Variants in ATIC observed in about 807,000 individuals in gnomAD.
ATIC encodes bifunctional purine biosynthesis protein ATIC.
A neutral mutation model predicts 72.5 loss-of-function variants in ATIC; 64 were observed. The ratio of observed to expected loss-of-function variants is 0.88; its 90% CI spans 0.72 to 1.09. The LOEUF is 1.09. ATIC is among the 50% of genes least tolerant of loss of function. The pLI is 0.00. For synonymous variants in ATIC, 281 were observed against 267.1 expected (o/e 1.05, Z -0.51); for missense variants, 787 against 732.4 (o/e 1.07, Z -0.86).
chr2:215,319,040 C>T (rs960979729), intron 3 of ATIC, among the ~76,000 whole-genome samples: 1 of 151,844 alleles, frequency 6.6e-6, no homozygotes, highest in African/African-American at 2.4e-5. Flanking sequence ...GCCACCACAC[C>T]CAGCTAATTT....
chr2:215,344,168 G>A (rs1461366170), intron 12 of ATIC, among the ~76,000 whole-genome samples: 1 of 152,130 alleles, frequency 6.6e-6, no homozygotes, highest in Non-Finnish European at 1.5e-5. Context: ...TGTCAGTTTT[G>A]GAATGGATAT....
intron 11 of ATIC, among the ~76,000 whole-genome samples, chr2:215,336,539 T>C (rs1559275985): frequency 6.6e-6 from 1 of 152,400 alleles, no homozygotes; most frequent in East Asian, 1.9e-4. Context: ...ATCCTTCTGT[T>C]ACCTTTTGAA....
chr2:215,326,248 T>A, intron 6 of ATIC, 110 bp downstream of exon 6: 1 of 1,343,922 alleles, frequency 7.4e-7, no homozygotes, highest in Non-Finnish European at 1.0e-6. Flanking sequence ...AAGCTTTGCT[T>A]GGAGCTGCTA....
intron 9 of ATIC, among the ~76,000 whole-genome samples, chr2:215,334,352 C>T (rs999144804): frequency 2.0e-5 from 3 of 151,770 alleles, no homozygotes; most frequent in African/African-American, 7.3e-5. Context: ...TGCCACCACA[C>T]CTGGCTAATT....
chr2:215,334,809 A>G, intron 9 of ATIC, 110 bp from the exon 10 acceptor site: 1 of 843,804 alleles, frequency 1.2e-6, no homozygotes, highest in South Asian at 1.5e-5. Context: ...TTATGTAAAC[A>G]GTAAGATTAG....
intron 5 of ATIC, among the ~76,000 whole-genome samples, 160 bp from the exon 6 acceptor site, chr2:215,325,827 A>G (rs1254392963): frequency 6.6e-6 from 1 of 152,148 alleles, no homozygotes; most frequent in East Asian, 1.9e-4. Context: ...CAGCCTCCCA[A>G]AGTGCTGGGA....
chr2:215,316,142 G>A (rs1001226555), intron 2 of ATIC, among the ~76,000 whole-genome samples: 2 of 152,126 alleles, frequency 1.3e-5, no homozygotes. Flanking sequence ...CAGCCATTAT[G>A]TATAAATTCT....
the ATIC span, among the ~76,000 whole-genome samples, chr2:215,367,514 G>C: frequency 3.3e-5 from 5 of 152,150 alleles, no homozygotes; most frequent in Non-Finnish European, 5.9e-5. Flanking sequence ...GATTAAAAGA[G>C]ATTTGAGGTT....
downstream of ATIC, chr2:215,349,915 A>G (rs549590943): frequency 7.0e-6 from 4 of 574,884 alleles, no homozygotes; most frequent in Admixed American, 6.1e-5. Flanking sequence ...AAACATAAAC[A>G]TTAGCAGGAA....
At position 215,325,344 on chromosome 2, in the gene ATIC, C is replaced by G. The variant is rs772024484; in HGVS notation, c.379+15C>G. The G allele has an allele frequency of 5.1e-6, 8 of 1,582,824 alleles. No homozygotes were observed. The highest frequency in any genetic ancestry group is 6.1e-6 in the Non-Finnish European group (7 of 1,151,716). On this transcript the variant is annotated intron_variant, in intron 5 of 15. Coordinates refer to ENST00000236959, the MANE Select transcript of ATIC (RefSeq NM_004044.7). The stretch of plus-strand genomic sequence containing the variant: ...AATTGACATTGGTAAGTCAGAAAAA[C>G]CATTTTAGAAGACTGAGAGGAGAGG...
intron 4 of ATIC, among the ~76,000 whole-genome samples, chr2:215,320,933 T>G (rs977068318): frequency 1.3e-5 from 2 of 152,060 alleles, no homozygotes; most frequent in African/African-American, 4.8e-5. Flanking sequence ...GAGGACTCAT[T>G]ATGGGGAGGG....
At chr2:215,347,504 C>A (rs1408584686) in intron 14 of ATIC, 1 of 454,672 alleles carries the variant, frequency 2.2e-6, no homozygotes, top group African/African-American at 2.0e-5. Context: ...AGATCTAGCC[C>A]AGTTTCTGGA....
chr2:215,319,296 T>C (rs2052742688), intron 3 of ATIC, among the ~76,000 whole-genome samples: 1 of 152,146 alleles, frequency 6.6e-6, no homozygotes, highest in African/African-American at 2.4e-5. Flanking sequence ...GTCCCAGCAC[T>C]TGGAGAGCTG....
intron 7 of ATIC, among the ~76,000 whole-genome samples, chr2:215,331,997 T>A (rs2052899849): frequency 6.6e-6 from 1 of 152,200 alleles, no homozygotes; most frequent in African/African-American, 2.4e-5. Context: ...TCTCTGTGAT[T>A]ACCTCAATTG....
the ATIC span, among the ~76,000 whole-genome samples, chr2:215,366,653 T>C: frequency 6.6e-6 from 1 of 152,186 alleles, no homozygotes; most frequent in Admixed American, 6.5e-5. Context: ...TACTACTTTT[T>C]CCATTTTATC....
intron 7 of ATIC, among the ~76,000 whole-genome samples, chr2:215,328,713 G>A (rs2052856862): frequency 6.9e-6 from 1 of 144,366 alleles, no homozygotes; most frequent in African/African-American, 2.6e-5. Context: ...TAGGATGGCA[G>A]CTTCCTTTTT....
intron 4 of ATIC, among the ~76,000 whole-genome samples, chr2:215,321,901 A>G (rs2052771479): frequency 6.6e-6 from 1 of 151,962 alleles, no homozygotes; most frequent in South Asian, 2.1e-4. Context: ...TCCTTTGATC[A>G]TCACAAGTTT....
intron 4 of ATIC, 40 bp from the exon 5 acceptor site, chr2:215,325,200 TG>T (rs2052809386): frequency 3.3e-6 from 5 of 1,503,742 alleles, no homozygotes; most frequent in African/African-American, 1.4e-5. Context: ...ACCACATGAG[TG>T]GACTTTTTAA....
At chr2:215,361,503 A>G in the ATIC span, 1 of 1,273,118 alleles carries the variant, frequency 7.9e-7, no homozygotes. Flanking sequence ...ACTCCAGTTT[A>G]GATGGATCTT....
Sources: allele counts gnomAD v4.1 joint callset (sites outside exome capture counted in the v4.1 genomes callset), GRCh38; gene constraint gnomAD v4.1.1; transcripts MANE v1.5; gene names NCBI Gene and HGNC (gene_info 2026-07-23, HGNC 2026-07-21).